Variants in GPR84 observed in about 807,000 individuals in gnomAD.
GPR84 encodes G-protein coupled receptor 84.
In GPR84, 8 loss-of-function variants were observed where a neutral mutation model predicts 14.9. The observed-to-expected ratio is 0.54, with a 90% confidence interval of 0.31 to 0.97. The LOEUF is 0.97. Ranked by LOEUF, GPR84 falls within the 50% of genes least tolerant of loss-of-function variation. The pLI is 0.04. For synonymous variants in GPR84, 164 were observed against 198.1 expected (o/e 0.83, Z 1.45); for missense variants, 424 against 498.7 (o/e 0.85, Z 1.43).
chr12:54,351,811 G>C, the GPR84 span: 1 of 152,174 alleles, frequency 6.6e-6, no homozygotes, highest in Non-Finnish European at 1.5e-5. Flanking sequence ...TTCATAAACT[G>C]CTCTGTGCAA....
downstream of GPR84, among the ~76,000 whole-genome samples, chr12:54,362,235 G>T (rs1397538077): frequency 6.6e-6 from 1 of 152,170 alleles, no homozygotes. This position sits in a 1 kb window ranked among gnomAD's most constrained non-coding sequence, Gnocchi z 4.0. Flanking sequence ...GCTGCTTCCT[G>T]CTCCTGCTTT....
At chr12:54,357,173 C>A in the GPR84 span, among the ~76,000 whole-genome samples, 1 of 152,182 alleles carries the variant, frequency 6.6e-6, no homozygotes, top group Non-Finnish European at 1.5e-5. Flanking sequence ...TCCTTCCCCT[C>A]TCTGTAGCCC....
the GPR84 span, among the ~76,000 whole-genome samples, chr12:54,356,696 G>GA: frequency 0.02 from 3,054 of 152,312 alleles, 108 homozygotes; most frequent in African/African-American, 0.069. Flanking sequence ...GGAAGGATGA[G>GA]AAACTGAGGG....
chr12:54,356,849 A>G, the GPR84 span, among the ~76,000 whole-genome samples: 2 of 152,162 alleles, frequency 1.3e-5, no homozygotes, highest in African/African-American at 4.8e-5. Flanking sequence ...GCAAAGCCCA[A>G]AATTGGAAAT....
rs559035355 is a variant in GPR84, at chr12:54,362,806, C to A, written c.1046G>T (p.Arg349Leu). The change falls in exon 2 of 2, where the codon CGG (arginine) becomes CTG (leucine). Residue 349 changes from arginine to leucine, a missense_variant. By Grantham distance (102) the Arg-to-Leu change is moderately radical. Transcript: ENST00000267015. The surrounding 1 kb of genome is among the most constrained non-coding windows in gnomAD (Gnocchi z 4.0). ...GTTGGCAGCAAGCATGTGGACCACC[C>A]GGGGAGCCTGGACTCTGGCATCCAG... Reference protein sequence around the residue: ...NILDARVQAPRVVHMLAANLT... With the variant: ...NILDARVQAPLVVHMLAANLT... The A allele has an allele frequency of 1.2e-6, 2 of 1,614,144 alleles. No individual in the cohort carries two copies. Among genetic ancestry groups the A allele is most frequent in the Non-Finnish European group, 1.7e-6 (2 of 1,180,018 alleles).
the GPR84 span, among the ~76,000 whole-genome samples, chr12:54,355,983 C>T: frequency 4.6e-5 from 7 of 152,088 alleles, no homozygotes; most frequent in African/African-American, 1.7e-4. Context: ...TGAAGGAAAA[C>T]CTGGGAGAAA....
At chr12:54,352,708 C>A in the GPR84 span, among the ~76,000 whole-genome samples, 1 of 152,110 alleles carries the variant, frequency 6.6e-6, no homozygotes, top group South Asian at 2.1e-4. Context: ...GAACATGAAA[C>A]CCAGAGTTTT....
At chr12:54,352,125 C>T in the GPR84 span, among the ~76,000 whole-genome samples, 2 of 152,198 alleles carry the variant, frequency 1.3e-5, no homozygotes, top group African/African-American at 4.8e-5. Context: ...CCAAAGCCAG[C>T]TGCCTGCTCC....
the GPR84 span, among the ~76,000 whole-genome samples, chr12:54,354,217 GTGATCCCGCCACCTCAGCCTCT>G: frequency 6.6e-6 from 1 of 151,554 alleles, no homozygotes; most frequent in Non-Finnish European, 1.5e-5. Flanking sequence ...CTGGGCTCAG[GTGATCCCGCCACCTCAGCCTCT>G]TGAGTAGCTG....
At chr12:54,356,281 C>T in the GPR84 span, among the ~76,000 whole-genome samples, 2 of 152,190 alleles carry the variant, frequency 1.3e-5, no homozygotes, top group African/African-American at 4.8e-5. Flanking sequence ...AGGGCTAATT[C>T]TAGCTCTAGC....
At chr12:54,361,267 T>C (rs936376321), downstream of GPR84, among the ~76,000 whole-genome samples, 1 of 152,056 alleles carries the variant, frequency 6.6e-6, no homozygotes, top group Non-Finnish European at 1.5e-5. This position sits in a 1 kb window ranked among gnomAD's most constrained non-coding sequence, Gnocchi z 4.3. Context: ...CTGCAACCAC[T>C]GTCTCCTGGG....
chr12:54,350,939 G>A, the GPR84 span: 1 of 201,880 alleles, frequency 5.0e-6, no homozygotes. Flanking sequence ...CCCAGCAAGG[G>A]GAGAGAGAAA....
At chr12:54,356,200 G>T in the GPR84 span, among the ~76,000 whole-genome samples, 2 of 152,134 alleles carry the variant, frequency 1.3e-5, no homozygotes, top group African/African-American at 4.8e-5. Flanking sequence ...GGAAATAGGG[G>T]TGATTATGGG....
chr12:54,360,358 AGT>A (rs10534532), downstream of GPR84, among the ~76,000 whole-genome samples: 62,042 of 151,920 alleles, frequency 0.41, 14,585 homozygotes, highest in Middle Eastern at 0.64. Context: ...ACGTGTTAAG[AGT>A]GTACCCCGCA....
the GPR84 span, among the ~76,000 whole-genome samples, chr12:54,356,777 G>A: frequency 1.3e-5 from 2 of 152,184 alleles, no homozygotes; most frequent in Non-Finnish European, 2.9e-5. Context: ...GTCTGGTGAG[G>A]GAAAACTTGT....
At chr12:54,353,243 G>A in the GPR84 span, among the ~76,000 whole-genome samples, 1 of 152,152 alleles carries the variant, frequency 6.6e-6, no homozygotes, top group East Asian at 1.9e-4. Flanking sequence ...AGCAGGGTCT[G>A]ATTATTTCTT....
the GPR84 span, chr12:54,351,316 C>G: frequency 6.6e-6 from 1 of 152,176 alleles, no homozygotes. Flanking sequence ...GTTCCTAAAA[C>G]TAAAACTCCA....
rs1176465873 is a variant in GPR84 at position 54,362,513 on chromosome 12, A to G, written c.*148T>C. 2 of 661,710 alleles carry G rather than the reference A, an allele frequency of 3.0e-6. No homozygotes were observed. Among genetic ancestry groups the G allele is most frequent in the East Asian group, 5.0e-5 (2 of 40,242 alleles). 41.0% of individuals were successfully genotyped at this position (661,710 alleles called of 1,614,324 possible). ...TGGGCAGTCTAGGGCTGAAACATTGATCAAGTGATGGAGAGACTTGATTTG... is the reference window on the plus strand; with the variant it reads ...TGGGCAGTCTAGGGCTGAAACATTGGTCAAGTGATGGAGAGACTTGATTTG... On this transcript the variant is annotated 3_prime_UTR_variant, in exon 2 of 2. Transcript: ENST00000267015. This position sits in a 1 kb window ranked among gnomAD's most constrained non-coding sequence, Gnocchi z 4.0.
downstream of GPR84, among the ~76,000 whole-genome samples, chr12:54,358,549 G>A (rs1279282122): frequency 6.6e-6 from 1 of 151,232 alleles, no homozygotes; most frequent in Non-Finnish European, 1.5e-5. Flanking sequence ...TCCCTATTGC[G>A]CCTTTCTCTG....
Sources: gnomAD v4.1 joint callset for allele counts (sites outside exome capture counted in the v4.1 genomes callset) on GRCh38, gnomAD v4.1.1 for gene constraint, Gnocchi (gnomAD v3.1) non-coding constraint, MANE v1.5 for transcripts, NCBI Gene and HGNC (gene_info 2026-07-23, HGNC 2026-07-21) for gene names.